The following FNDC3A variants were observed in gnomAD, a reference collection of about 807,000 sequenced individuals.
The protein encoded by FNDC3A is fibronectin type III domain containing 3A, also known as fibronectin type-III domain-containing protein 3A.
Under a neutral mutation model 148.9 loss-of-function variants are expected in FNDC3A, and 32 were observed. The observed-to-expected ratio is 0.21, with a 90% CI of 0.16 to 0.29. The LOEUF (loss-of-function observed/expected upper bound fraction) is 0.29, where lower values mean the gene tolerates loss of function less well. FNDC3A is among the 10% of genes least tolerant of loss of function. The pLI, the probability that FNDC3A is intolerant of heterozygous loss-of-function variation, is 1.00. For synonymous variants in FNDC3A, 472 were observed against 473.6 expected (o/e 1.00, Z 0.04); for missense variants, 1,191 against 1,452.8 (o/e 0.82, Z 2.93).
chr13:49,192,768 C>G lies in FNDC3A; in HGVS notation c.2226+1384C>G, dbSNP rs956552959. Among the ~76,000 whole-genome samples, 3 of 152,078 alleles carry G rather than the reference C, an allele frequency of 2.0e-5. No individual in the cohort carries two copies. In the East Asian group the frequency reaches 5.8e-4, roughly 29 times the overall value. On this transcript the variant is annotated intron_variant, in intron 19 of 25. Coordinates refer to ENST00000492622, the MANE Select transcript of FNDC3A (RefSeq NM_001079673.2). ...GTTTGTGATAATTTGTCAAAATCAC[C>G]TTAAGTAAATATTTACTTTCCGTAT... is the stretch of plus-strand genomic sequence containing the variant.
intron 10 of FNDC3A, among the ~76,000 whole-genome samples, chr13:49,170,344 G>A (rs1884691787): frequency 6.6e-6 from 1 of 152,044 alleles, no homozygotes; most frequent in Non-Finnish European, 1.5e-5. Context: ...ATGAAGAAAA[G>A]TCACTAAAAG....
intron 5 of FNDC3A, among the ~76,000 whole-genome samples, chr13:49,131,799 T>C (rs1173953933): frequency 1.3e-5 from 2 of 152,200 alleles, no homozygotes; most frequent in African/African-American, 4.8e-5. Flanking sequence ...AGGGAGTTAA[T>C]AAATTTGGGG....
intron 1 of FNDC3A, among the ~76,000 whole-genome samples, chr13:48,993,144 T>C (rs1052252749): frequency 1.3e-5 from 2 of 152,252 alleles, no homozygotes; most frequent in African/African-American, 4.8e-5. Context: ...AAGGATAATG[T>C]ATTCACATCT....
At chr13:49,081,056 T>C (rs184503912) in intron 3 of FNDC3A, among the ~76,000 whole-genome samples, 11 of 152,338 alleles carry the variant, frequency 7.2e-5, no homozygotes, top group Admixed American at 7.2e-4. Flanking sequence ...CAGATGTTTC[T>C]TGAGCATTTA....
chr13:49,013,476 GTGTATACA>G (rs1346250421), intron 2 of FNDC3A, among the ~76,000 whole-genome samples: 1 of 150,084 alleles, frequency 6.7e-6, no homozygotes. Context: ...ATATGTACAC[GTGTATACA>G]TGTATATACA....
chr13:49,005,278 T>C (rs1257085259), intron 1 of FNDC3A, among the ~76,000 whole-genome samples: 1 of 151,948 alleles, frequency 6.6e-6, no homozygotes, highest in Admixed American at 6.6e-5. Context: ...TTGACACTAC[T>C]GAATTGCAGA....
At chr13:49,056,482 T>C (rs963558287) in intron 2 of FNDC3A, among the ~76,000 whole-genome samples, 4 of 152,212 alleles carry the variant, frequency 2.6e-5, no homozygotes, top group Non-Finnish European at 4.4e-5. Flanking sequence ...ATTTTGAGAA[T>C]TCATGTCATT....
At chr13:49,176,636 T>A (rs990846661) in intron 13 of FNDC3A, among the ~76,000 whole-genome samples, 2 of 152,078 alleles carry the variant, frequency 1.3e-5, no homozygotes, top group Admixed American at 6.5e-5. Flanking sequence ...TATAATTTTT[T>A]AAAAAATCAG....
At chr13:49,097,995 T>C (rs1049025298) in intron 3 of FNDC3A, among the ~76,000 whole-genome samples, 1 of 152,068 alleles carries the variant, frequency 6.6e-6, no homozygotes, top group Non-Finnish European at 1.5e-5. Flanking sequence ...TGGCAACATA[T>C]CTGCAGAAGA....
At chr13:49,171,875 A>C (rs1451853304) in intron 10 of FNDC3A, among the ~76,000 whole-genome samples, 168 bp from the exon 11 acceptor site, 1 of 152,166 alleles carries the variant, frequency 6.6e-6, no homozygotes, top group Non-Finnish European at 1.5e-5. Flanking sequence ...ATTTGAAAGG[A>C]TTATAGGGCA....
chr13:49,031,893 A>G (rs1366200439), intron 2 of FNDC3A, among the ~76,000 whole-genome samples: 1 of 152,214 alleles, frequency 6.6e-6, no homozygotes, highest in Non-Finnish European at 1.5e-5. Flanking sequence ...AATATCTGCA[A>G]ACTGTATCTG....
chr13:49,163,404 T>C (rs1884277462), intron 8 of FNDC3A, among the ~76,000 whole-genome samples: 1 of 152,188 alleles, frequency 6.6e-6, no homozygotes, highest in Non-Finnish European at 1.5e-5. Context: ...CTGCTAGCAG[T>C]AAGCAAGGCT....
chr13:49,204,480 C>G (rs1194812310), intron 25 of FNDC3A, among the ~76,000 whole-genome samples: 3 of 152,054 alleles, frequency 2.0e-5, no homozygotes, highest in African/African-American at 7.2e-5. Context: ...ACTGAAATTA[C>G]AAAAGATCCA....
intron 1 of FNDC3A, among the ~76,000 whole-genome samples, chr13:49,000,702 T>C (rs11841457): frequency 0.02 from 3,006 of 152,302 alleles, 109 homozygotes; most frequent in African/African-American, 0.067. Flanking sequence ...TTTCACTTTG[T>C]GAACCTGGGG....
chr13:49,169,439 G>A (rs985543206), intron 10 of FNDC3A, among the ~76,000 whole-genome samples: 1 of 152,174 alleles, frequency 6.6e-6, no homozygotes, highest in African/African-American at 2.4e-5. Context: ...AATTCTGATA[G>A]ATATTCAGAA....
chr13:49,053,197 G>T (rs554117764), intron 2 of FNDC3A, among the ~76,000 whole-genome samples: 1 of 152,184 alleles, frequency 6.6e-6, no homozygotes, highest in Admixed American at 6.5e-5. Context: ...GCATTTTGGG[G>T]AGCCTGCAGT....
At chr13:49,012,654 T>C (rs1368059887) in intron 2 of FNDC3A, among the ~76,000 whole-genome samples, 6 of 152,192 alleles carry the variant, frequency 3.9e-5, no homozygotes, top group Non-Finnish European at 7.3e-5. Context: ...CTTTACAATA[T>C]TGAATTTTTC....
chr13:49,052,672 C>T (rs1433147155), intron 2 of FNDC3A, among the ~76,000 whole-genome samples: 2 of 152,160 alleles, frequency 1.3e-5, no homozygotes, highest in African/African-American at 4.8e-5. Context: ...GGAGGTGGCA[C>T]TTTCAAGAGT....
rs138343551 is a variant in FNDC3A, at chr13:49,191,113, A to G, written c.2043A>G (p.Leu681=). The G allele has an allele frequency of 5.5e-4, 884 of 1,611,668 alleles. 1 individual carries two copies. The highest frequency in any genetic ancestry group is 7.1e-4 in the Non-Finnish European group (835 of 1,179,112). The change falls in exon 18 of 26, where the codon TTA becomes TTG. Residue 681 remains leucine, a synonymous_variant. Coordinates refer to ENST00000492622, the MANE Select transcript of FNDC3A (RefSeq NM_001079673.2). ...GACCCAAAGCAAAAGAAATACAGTT[A>G]CGATGGGGTAATTTCCATTTTGGTA... is the stretch of plus-strand genomic sequence containing the variant. ...QGRPKAKEIQ[L]RWGPPLVDGG...
Sources: allele counts gnomAD v4.1 joint callset (sites outside exome capture counted in the v4.1 genomes callset), GRCh38; gene constraint gnomAD v4.1.1; transcripts MANE v1.5; gene names NCBI Gene and HGNC (gene_info 2026-07-23, HGNC 2026-07-21).